The following IQGAP2 variants were observed in gnomAD, a reference collection of about 807,000 sequenced individuals.
IQGAP2 encodes ras GTPase-activating-like protein IQGAP2.
Under a neutral mutation model 201.3 loss-of-function variants are expected in IQGAP2, and 173 were observed. The ratio of observed to expected loss-of-function variants is 0.86; its 90% CI spans 0.76 to 0.98. The LOEUF is 0.98. Among genes scored for constraint, IQGAP2 ranks in the 50% least tolerant of loss-of-function variants. The pLI, the probability that IQGAP2 is intolerant of heterozygous loss-of-function variation, is 0.00. For missense variants in IQGAP2, 1,687 were observed against 1,864.8 expected, an observed-to-expected ratio of 0.90 and a Z score of 1.76; for synonymous variants, 675 against 673.9, an observed-to-expected ratio of 1.00 and a Z score of -0.03.
chr5:76,573,868 C>T (rs1430172647), intron 4 of IQGAP2, among the ~76,000 whole-genome samples: 1 of 151,606 alleles, frequency 6.6e-6, no homozygotes, highest in African/African-American at 2.4e-5. Context: ...ACGTGATCTA[C>T]CTGCCTCTGC....
chr5:76,663,143 G>T (rs1743414935), intron 21 of IQGAP2, among the ~76,000 whole-genome samples: 1 of 152,220 alleles, frequency 6.6e-6, no homozygotes, highest in South Asian at 2.1e-4. Context: ...ATCCCCAGGG[G>T]CAACTGGAAA....
chr5:76,551,673 C>G (rs62361992), intron 2 of IQGAP2, among the ~76,000 whole-genome samples: 24,761 of 152,034 alleles, frequency 0.16, 2,229 homozygotes, highest in Admixed American at 0.28. Context: ...GCCAACACGG[C>G]GAAACCCCGT....
intron 2 of IQGAP2, among the ~76,000 whole-genome samples, chr5:76,561,901 A>G (rs543632848): frequency 8.5e-5 from 13 of 152,284 alleles, no homozygotes; most frequent in African/African-American, 2.9e-4. Context: ...CTTAATTCCA[A>G]TGCCCCTTTT....
In IQGAP2 at chr5:76,671,777, A is replaced by G. The variant is rs535309202; in HGVS notation, c.2862A>G (p.Val954=). 7.4e-6 allele frequency: 12 copies of G among 1,613,752 alleles called. No homozygotes were observed. Among genetic ancestry groups the G allele is most frequent in the East Asian group, 2.2e-5 (1 of 44,880 alleles). ...EEEIKSKVDQ[V]QDIVTGNPTV... ...TTTTTAGATCAAAAGTGGACCAGGT[A>G]CAGGACATAGTTACTGGTAACCCTA... Residue 954 remains valine (V), a synonymous_variant, in exon 24 of 36, where the codon GTA becomes GTG. Coordinates refer to ENST00000274364, the MANE Select transcript of IQGAP2 (RefSeq NM_006633.5).
rs1184441704 is a variant in IQGAP2 at position 76,631,907 on chromosome 5, C to A, written c.1661C>A (p.Ser554Ter). Residue 554 changes from serine (S) to a stop codon, truncating the protein, a stop_gained, in exon 15 of 36, where the codon TCA (serine) becomes TAA (stop). Transcript: ENST00000274364. LOFTEE classifies it high-confidence loss of function. ...AATCAGTGTTTGGAAGGAAAAAAAT[C>A]AAGTGATATTTTGTCTGTATTGAAG... ...DVNQCLEGKK[S>*]SDILSVLKSS... 1 of 1,610,022 alleles carries A rather than the reference C, an allele frequency of 6.2e-7. No individual in the cohort carries two copies. The highest frequency in any genetic ancestry group is 8.5e-7 in the Non-Finnish European group (1 of 1,177,820).
intron 4 of IQGAP2, among the ~76,000 whole-genome samples, chr5:76,575,454 G>T (rs3756514): frequency 0.058 from 8,785 of 152,248 alleles, 714 homozygotes; most frequent in East Asian, 0.43. Context: ...CCTTCTTGGA[G>T]TAGCTGGCTG....
Position 76,584,126 on chromosome 5 carries a change from C to G in IQGAP2, c.459-4780C>G, listed in dbSNP as rs1011183890. Among the ~76,000 whole-genome samples the G allele has an allele frequency of 5.3e-5, 8 of 152,214 alleles. 1 individual carries two copies. In the East Asian group the frequency reaches 9.7e-4, roughly 18 times the overall value. ...GACCTCAAATGATCGCCTGCCTTGGCCTCCCAAAGTGCTGGGATTACAGAC... is the reference window on the plus strand; with the variant it reads ...GACCTCAAATGATCGCCTGCCTTGGGCTCCCAAAGTGCTGGGATTACAGAC... On this transcript the variant is annotated intron_variant, in intron 5 of 35. Coordinates refer to ENST00000274364, the MANE Select transcript of IQGAP2 (RefSeq NM_006633.5).
rs768377383 is a variant in IQGAP2 at position 76,683,095 on chromosome 5, G to A, written c.3661-20G>A. ...AGAATTTACTTTTTTCTTTGTGTGT[G>A]TGTTGCTTTCTACATAAAGCTCCTG... is the stretch of plus-strand genomic sequence containing the variant. On this transcript the variant is annotated intron_variant, in intron 28 of 35. Coordinates refer to ENST00000274364, the MANE Select transcript of IQGAP2 (RefSeq NM_006633.5). 5.4e-6 allele frequency: 8 copies of A among 1,477,228 alleles called. No homozygotes were observed. The highest frequency in any genetic ancestry group is 1.8e-5 in the Admixed American group (1 of 55,890). The allele number at this position is 1,477,228 out of a possible 1,614,324, so 91.5% of individuals were successfully genotyped here.
intron 2 of IQGAP2, among the ~76,000 whole-genome samples, chr5:76,550,979 G>A (rs181297977): frequency 1.3e-3 from 190 of 150,234 alleles, no homozygotes; most frequent in African/African-American, 4.4e-3. Flanking sequence ...CTGGCCGGGC[G>A]GGGGCTGCCC....
chr5:76,422,800 G>T (rs528940808), intron 1 of IQGAP2, among the ~76,000 whole-genome samples: 1 of 152,316 alleles, frequency 6.6e-6, no homozygotes, highest in South Asian at 2.1e-4. Flanking sequence ...ATCTCAAATG[G>T]TGCAGATAAT....
intron 2 of IQGAP2, among the ~76,000 whole-genome samples, chr5:76,541,321 T>C (rs1164487427): frequency 6.6e-6 from 1 of 152,228 alleles, no homozygotes; most frequent in African/African-American, 2.4e-5. Flanking sequence ...TAACTTAGTG[T>C]CATGTCTTCA....
chr5:76,652,715 T>C (rs1210579382), intron 17 of IQGAP2, 35 bp from the exon 18 acceptor site: 1 of 1,431,416 alleles, frequency 7.0e-7, no homozygotes, highest in Non-Finnish European at 9.9e-7. Flanking sequence ...GGAAACTTGC[T>C]GGTAAATAAT....
At chr5:76,617,346 C>G in intron 13 of IQGAP2, 1 of 400,542 alleles carries the variant, frequency 2.5e-6, no homozygotes, top group Non-Finnish European at 4.5e-6. Context: ...GGGAGGCTGA[C>G]CTGGGAGGCA....
chr5:76,618,098 G>A (rs1749180676), intron 13 of IQGAP2: 1 of 1,614,158 alleles, frequency 6.2e-7, no homozygotes, highest in South Asian at 1.1e-5. Context: ...GCTTGGGCAG[G>A]CCCCGGTAGG....
intron 15 of IQGAP2, among the ~76,000 whole-genome samples, chr5:76,632,375 C>A (rs887238183): frequency 6.6e-6 from 1 of 152,038 alleles, no homozygotes; most frequent in African/African-American, 2.4e-5. Context: ...TTTGTGATTG[C>A]ACAGTATTAA....
chr5:76,610,834 G>C (rs1266357326), intron 12 of IQGAP2, among the ~76,000 whole-genome samples, 186 bp from the exon 13 acceptor site: 1 of 152,074 alleles, frequency 6.6e-6, no homozygotes, highest in Non-Finnish European at 1.5e-5. Flanking sequence ...CTTATGAATT[G>C]AATGTGTTCT....
chr5:76,435,351 G>C (rs1350370755), intron 1 of IQGAP2, among the ~76,000 whole-genome samples: 1 of 152,028 alleles, frequency 6.6e-6, no homozygotes, highest in African/African-American at 2.4e-5. Flanking sequence ...TTAAGTCTTT[G>C]AGCCATCTTG....
chr5:76,598,245 T>C (rs892382904), intron 10 of IQGAP2, among the ~76,000 whole-genome samples: 11 of 152,304 alleles, frequency 7.2e-5, no homozygotes, highest in Middle Eastern at 3.4e-3. Context: ...TTAAGCTTTG[T>C]TAAGAAAACA....
chr5:76,686,788 C>T lies in IQGAP2; in HGVS notation c.3905+2871C>T, dbSNP rs535312157. Among the ~76,000 whole-genome samples, 220 of 152,210 alleles carry T rather than the reference C, an allele frequency of 1.4e-3. 3 individuals carry two copies. The highest frequency in any genetic ancestry group is 4.2e-3 in the African/African-American group (175 of 41,538). ...CCTCCCAAAGTGCTGGGATTACAGG[C>T]GTGAGCCACCACTCCTGGCCCCACC... is the stretch of plus-strand genomic sequence containing the variant. On this transcript the variant is annotated intron_variant, in intron 30 of 35. Coordinates refer to ENST00000274364, the MANE Select transcript of IQGAP2 (RefSeq NM_006633.5).
Sources: allele counts gnomAD v4.1 joint callset (sites outside exome capture counted in the v4.1 genomes callset), GRCh38; gene constraint gnomAD v4.1.1; transcripts MANE v1.5; gene names NCBI Gene and HGNC (gene_info 2026-07-23, HGNC 2026-07-21).